The following RBSN variants were observed in gnomAD, a reference collection of about 807,000 sequenced individuals.
RBSN encodes rabenosyn, RAB effector.
A neutral mutation model predicts 60.5 loss-of-function variants in RBSN; 34 were observed. That is an observed-to-expected ratio of 0.56 (90% CI 0.43 to 0.75). The LOEUF is 0.75. RBSN is among the 30% of genes least tolerant of loss of function. The probability of loss-of-function intolerance (pLI) is 0.00; values close to 1 mark genes in which losing one functional copy is unlikely to be tolerated. For missense variants in RBSN, 845 were observed against 986.8 expected (o/e 0.86, Z 1.92); for synonymous variants, 322 against 366.9 (o/e 0.88, Z 1.40).
At chr3:15,080,903 T>C (rs1559344335) in intron 9 of RBSN, 101 bp from the exon 10 acceptor site, 4 of 935,478 alleles carry the variant, frequency 4.3e-6, no homozygotes, top group Non-Finnish European at 6.7e-6. Context: ...AATGTTCACT[T>C]TTCTAACACA....
At chr3:15,076,208 C>T (rs1229782684) in intron 12 of RBSN, among the ~76,000 whole-genome samples, 1 of 152,202 alleles carries the variant, frequency 6.6e-6, no homozygotes, top group Admixed American at 6.5e-5. Context: ...AGGCACTCAA[C>T]AAATGATTGC....
chr3:15,083,740 T>G (rs2043266147), intron 8 of RBSN, among the ~76,000 whole-genome samples: 1 of 152,102 alleles, frequency 6.6e-6, no homozygotes, highest in South Asian at 2.1e-4. Context: ...ATCTCTCATA[T>G]TATGATATTA....
chr3:15,096,268 C>A lies in RBSN; in HGVS notation c.-148G>T. ...GCTTCATGGCCCTGGATGAGGTTTC[C>A]TCTCTGGAGTAGGAGGAGCCCTAAG... On this transcript the variant is annotated 5_prime_UTR_variant, in exon 4 of 14. In the 5' UTR this introduces an upstream ATG that the reference lacks. Coordinates refer to ENST00000253699, the MANE Select transcript of RBSN (RefSeq NM_022340.4). 1.2e-6 allele frequency: 1 copy of A among 810,850 alleles called. No homozygotes were observed. Among genetic ancestry groups the A allele is most frequent in the Non-Finnish European group, 1.8e-6 (1 of 568,166 alleles). The allele number at this position is 810,850 out of a possible 1,614,324, so 50.2% of individuals were successfully genotyped here.
At chr3:15,086,545 G>T (rs138084188) in intron 5 of RBSN, among the ~76,000 whole-genome samples, 30 of 152,208 alleles carry the variant, frequency 2.0e-4, no homozygotes, top group African/African-American at 6.0e-4. Context: ...CTATCAAATG[G>T]AATAATAATG....
chr3:15,073,156 A>C lies in RBSN; in HGVS notation c.*626T>G, dbSNP rs1283917341. 6.6e-6 allele frequency: 1 copy of C among 152,516 alleles called. No individual in the cohort carries two copies. The highest frequency in any genetic ancestry group is 1.9e-4 in the East Asian group (1 of 5,194). The allele number at this position is 152,516 out of a possible 1,614,324, so 9.4% of individuals were successfully genotyped here. A position where few individuals can be genotyped will look rare whatever the true frequency, so the allele number is the denominator to read the frequency against. ...ATATTCCCATCACCCCACCTTAAAA[A>C]GAGGTGCTGGGCTCTCCTGGGTCTA... On this transcript the variant is annotated 3_prime_UTR_variant, in exon 14 of 14. Transcript: ENST00000253699.
intron 3 of RBSN, 80 bp from the exon 4 acceptor site, chr3:15,096,368 A>G: frequency 4.9e-6 from 2 of 409,318 alleles, no homozygotes; most frequent in South Asian, 1.4e-4. Context: ...TTCTTTTCAC[A>G]GTTCAATGGG....
At chr3:15,089,456 C>CAAAAAAAAAAAAAAAAAAAA (rs757156425) in intron 5 of RBSN, among the ~76,000 whole-genome samples, 9 of 31,444 alleles carry the variant, frequency 2.9e-4, no homozygotes, top group Non-Finnish European at 3.1e-4. Context: ...ACTCCATCTC[C>CAAAAAAAAAAAAAAAAAAAA]AAAAAAAAAA....
At chr3:15,086,342 A>G (rs1369934055) in intron 5 of RBSN, among the ~76,000 whole-genome samples, 1 of 152,208 alleles carries the variant, frequency 6.6e-6, no homozygotes, top group African/African-American at 2.4e-5. Flanking sequence ...AAAACCAGGA[A>G]AGCAAATGGA....
At chr3:15,080,246 A>G (rs995660677) in intron 10 of RBSN, among the ~76,000 whole-genome samples, 15 of 139,402 alleles carry the variant, frequency 1.1e-4, no homozygotes, top group East Asian at 2.0e-4. Flanking sequence ...TCCGTCTCGG[A>G]AAAAAAAAAA....
In RBSN at chr3:15,074,919, C is replaced by T; in HGVS notation, c.1218G>A (p.Glu406=). The change falls in exon 14 of 14, where the codon GAG becomes GAA. Residue 406 remains glutamate (E), a synonymous_variant. Transcript: ENST00000253699. The surrounding 1 kb of genome is among the most constrained non-coding windows in gnomAD (Gnocchi z 6.4). Reference sequence around the variant, plus strand: ...GCCTTTCCTCAAGCCTTCGCTGGGACTCCAGGGCAGCCTGGGGAGAGAGCA... The same window carrying T: ...GCCTTTCCTCAAGCCTTCGCTGGGATTCCAGGGCAGCCTGGGGAGAGAGCA... ...KRAVERQAAL[E]SQRRLEERQS... 6.2e-7 allele frequency: 1 copy of T among 1,609,594 alleles called. No individual in the cohort carries two copies.
chr3:15,071,575 C>G lies in RBSN; in HGVS notation c.*2207G>C, dbSNP rs965246653. 3 of 152,210 alleles carry G rather than the reference C, an allele frequency of 2.0e-5. No homozygotes were observed. The highest frequency in any genetic ancestry group is 4.4e-5 in the Non-Finnish European group (3 of 68,054). 9.4% of individuals were successfully genotyped at this position (152,210 alleles called of 1,614,324 possible). A position where few individuals can be genotyped will look rare whatever the true frequency, so the allele number is the denominator to read the frequency against. Reference sequence around the variant, plus strand: ...TCATATGGCTGTTTGTGAACAGATCCCAAATGCAAAGCGTCCTTCACACAC... The same window carrying G: ...TCATATGGCTGTTTGTGAACAGATCGCAAATGCAAAGCGTCCTTCACACAC... On this transcript the variant is annotated 3_prime_UTR_variant, in exon 14 of 14. Transcript: ENST00000253699.
At position 15,075,594 on chromosome 3, in the gene RBSN, G is replaced by A. The variant is rs766917962; in HGVS notation, c.1206+12C>T. 5 of 1,608,582 alleles carry A rather than the reference G, an allele frequency of 3.1e-6. No homozygotes were observed. Among genetic ancestry groups the A allele is most frequent in the Middle Eastern group, 1.7e-4 (1 of 6,056 alleles). ...AGGAGGAAGCAGGCCCCATATCCCT[G>A]GCTTCACTCACTTGTCTCTCCACGG... On this transcript the variant is annotated intron_variant, in intron 13 of 13. Transcript: ENST00000253699.
chr3:15,086,875 G>C (rs949202378), intron 5 of RBSN, among the ~76,000 whole-genome samples: 5 of 152,144 alleles, frequency 3.3e-5, no homozygotes, highest in Admixed American at 1.3e-4. Context: ...CTTACTGTCT[G>C]AGTAACCTGA....
intron 8 of RBSN, among the ~76,000 whole-genome samples, chr3:15,083,999 TGCC>T: frequency 6.6e-6 from 1 of 152,380 alleles, no homozygotes; most frequent in Admixed American, 6.5e-5. Flanking sequence ...GAATGGACAA[TGCC>T]TTATAGGCTT....
At position 15,084,644 on chromosome 3, in the gene RBSN, C is replaced by T. The variant is rs1202006798; in HGVS notation, c.598+91G>A. On this transcript the variant is annotated intron_variant, in intron 8 of 13. Coordinates refer to ENST00000253699, the MANE Select transcript of RBSN (RefSeq NM_022340.4). This position sits in a 1 kb window ranked among gnomAD's most constrained non-coding sequence, Gnocchi z 4.2. The stretch of plus-strand genomic sequence containing the variant: ...AGATTCCCATGAGCCATTAATTTAA[C>T]AAAAAGGTTCCACGATCCCAGTGGT... 2.7e-6 allele frequency: 4 copies of T among 1,454,694 alleles called. No homozygotes were observed. In the African/African-American group the frequency reaches 5.7e-5, roughly 21 times the overall value. The allele number at this position is 1,454,694 out of a possible 1,614,324, so 90.1% of individuals were successfully genotyped here.
chr3:15,088,772 A>G (rs1174489620), intron 5 of RBSN, among the ~76,000 whole-genome samples: 2 of 152,250 alleles, frequency 1.3e-5, no homozygotes, highest in African/African-American at 2.4e-5. Context: ...GTGGACACAG[A>G]ACACTTAAAA....
In RBSN at chr3:15,073,374, ATAATACTG is replaced by A. The variant is rs936893741; in HGVS notation, c.*400_*407del. The A allele has an allele frequency of 5.0e-5, 9 of 178,510 alleles. No individual in the cohort carries two copies. Among genetic ancestry groups the A allele is most frequent in the Non-Finnish European group, 9.5e-5 (8 of 84,206 alleles). 11.1% of individuals were successfully genotyped at this position (178,510 alleles called of 1,614,324 possible). ...GGAAGGGCTCTAAAAAGGCTGCCCT[ATAATACTG>A]CATAAGGAACCAAGACTAGGCAGTA... On this transcript the variant is annotated 3_prime_UTR_variant, in exon 14 of 14. Transcript: ENST00000253699.
Position 15,073,730 on chromosome 3 carries a change from C to A in RBSN, c.*52G>T. 1 of 1,547,570 alleles carries A rather than the reference C, an allele frequency of 6.5e-7. No homozygotes were observed. The highest frequency in any genetic ancestry group is 1.2e-5 in the South Asian group (1 of 80,436). On this transcript the variant is annotated 3_prime_UTR_variant, in exon 14 of 14. Transcript: ENST00000253699. Reference sequence around the variant, plus strand: ...CATCCTGCCTGCCCTCTGTCCTGCTCCACTGGCTCCTGCCAGACCCCTGGG... The same window carrying A: ...CATCCTGCCTGCCCTCTGTCCTGCTACACTGGCTCCTGCCAGACCCCTGGG...
Position 15,096,023 on chromosome 3 carries a change from T to C in RBSN, c.98A>G (p.Tyr33Cys). ...GTCTTCCCCTGAGTGTTCTTCCTCG[T>C]AATGTGAGTGAAGCTGATAGAAAGA... ...LQSFYQLHSH[Y>C]EEEHSGEDRD... Residue 33 changes from tyrosine (Y) to cysteine (C), a missense_variant, in exon 4 of 14, where the codon TAC (tyrosine) becomes TGC (cysteine). Physicochemically the swap from Tyr to Cys is radical, Grantham distance 194. Coordinates refer to ENST00000253699, the MANE Select transcript of RBSN (RefSeq NM_022340.4). The C allele has an allele frequency of 1.2e-6, 2 of 1,614,154 alleles. No homozygotes were observed. The highest frequency in any genetic ancestry group is 1.7e-6 in the Non-Finnish European group (2 of 1,179,998).
Sources: gnomAD v4.1 joint callset for allele counts (sites outside exome capture counted in the v4.1 genomes callset) on GRCh38, gnomAD v4.1.1 for gene constraint, Gnocchi (gnomAD v3.1) non-coding constraint, MANE v1.5 for transcripts, NCBI Gene and HGNC (gene_info 2026-07-23, HGNC 2026-07-21) for gene names.